Variants in PLGRKT observed in about 807,000 individuals in gnomAD.
The protein encoded by PLGRKT is plasminogen receptor with a C-terminal lysine.
Under a neutral mutation model 18.5 loss-of-function variants are expected in PLGRKT, and 22 were observed. That is an observed-to-expected ratio of 1.19 (90% CI 0.85 to 1.70). The LOEUF (loss-of-function observed/expected upper bound fraction) is 1.70. Ranked by LOEUF, PLGRKT falls within the 40% of genes most tolerant of loss-of-function variation. The pLI is 0.00. For missense variants in PLGRKT, 235 were observed against 174.4 expected (o/e 1.35, Z -1.96); for synonymous variants, 72 against 52.8 (o/e 1.36, Z -1.58).
At chr9:5,421,974 G>A (rs998706376) in intron 3 of PLGRKT, among the ~76,000 whole-genome samples, 3 of 152,012 alleles carry the variant, frequency 2.0e-5, no homozygotes, top group Non-Finnish European at 4.4e-5. Flanking sequence ...AGACTTCTAG[G>A]GTATCAATTC....
intron 3 of PLGRKT, among the ~76,000 whole-genome samples, chr9:5,405,457 A>T (rs900643026): frequency 6.6e-6 from 1 of 152,190 alleles, no homozygotes; most frequent in South Asian, 2.1e-4. Context: ...AATGAAACTC[A>T]TATCTACAAC....
At chr9:5,393,582 A>G (rs1586722334) in intron 3 of PLGRKT, among the ~76,000 whole-genome samples, 1 of 151,892 alleles carries the variant, frequency 6.6e-6, no homozygotes, top group African/African-American at 2.4e-5. Context: ...GAATCACAGA[A>G]CAAGAGAATT....
At position 5,434,465 on chromosome 9, in the gene PLGRKT, G is replaced by A. The variant is rs1818916703; in HGVS notation, c.-7+2104C>T. 5.3e-5 allele frequency among the ~76,000 whole-genome samples: 8 copies of A among 149,610 alleles called. No homozygotes were observed. The South Asian group carries it at 1.7e-3, about 31-fold the overall frequency. Reference sequence around the variant, plus strand: ...CCGGCCGCCGCCCCGTCTGGGAGGTGAGGGGTGTCTCTGCCCGGCTGCCCC... The same window carrying A: ...CCGGCCGCCGCCCCGTCTGGGAGGTAAGGGGTGTCTCTGCCCGGCTGCCCC... On this transcript the variant is annotated intron_variant, in intron 2 of 5. Transcript: ENST00000223864.
At chr9:5,431,812 T>A in intron 3 of PLGRKT, 85 bp downstream of exon 3, 2 of 680,530 alleles carry the variant, frequency 2.9e-6, no homozygotes, top group Non-Finnish European at 2.7e-6. Context: ...TTGTTGGGAG[T>A]CAAAGAGAAT....
intron 3 of PLGRKT, among the ~76,000 whole-genome samples, chr9:5,376,821 T>C (rs1466177866): frequency 5.3e-5 from 8 of 152,232 alleles, no homozygotes; most frequent in Admixed American, 2.6e-4. Context: ...TAACTATGTA[T>C]AGACTATCTT....
At chr9:5,361,615 C>A (rs571290637) in intron 4 of PLGRKT, 143 bp downstream of exon 4, 1 of 706,468 alleles carries the variant, frequency 1.4e-6, no homozygotes, top group African/African-American at 1.8e-5. Context: ...AGAGTTACCC[C>A]CAAGGACTAA....
At chr9:5,429,953 C>T (rs1187994114) in intron 3 of PLGRKT, among the ~76,000 whole-genome samples, 1 of 152,086 alleles carries the variant, frequency 6.6e-6, no homozygotes, top group Non-Finnish European at 1.5e-5. Flanking sequence ...GTAGCTCCCA[C>T]CCTCTCCCCC....
chr9:5,390,728 G>A (rs573558536), intron 3 of PLGRKT, among the ~76,000 whole-genome samples: 1 of 151,946 alleles, frequency 6.6e-6, no homozygotes, highest in East Asian at 1.9e-4. Flanking sequence ...CAAGGCTGTT[G>A]TGTGACTTAG....
intron 3 of PLGRKT, among the ~76,000 whole-genome samples, chr9:5,426,371 A>C (rs1818702006): frequency 1.3e-5 from 2 of 152,100 alleles, no homozygotes; most frequent in African/African-American, 4.8e-5. Flanking sequence ...ACAGCTCAAA[A>C]CCCTAGAATG....
At chr9:5,363,174 G>A (rs1206736147) in intron 3 of PLGRKT, among the ~76,000 whole-genome samples, 2 of 151,902 alleles carry the variant, frequency 1.3e-5, no homozygotes, top group African/African-American at 2.4e-5. Flanking sequence ...GGGTGGGGAA[G>A]GCCACTCACT....
intron 3 of PLGRKT, among the ~76,000 whole-genome samples, chr9:5,415,542 A>C (rs1251459456): frequency 6.6e-6 from 1 of 152,192 alleles, no homozygotes; most frequent in African/African-American, 2.4e-5. Context: ...ATATTTATCA[A>C]TTAGAAAGAA....
chr9:5,381,734 G>A (rs1390698382), intron 3 of PLGRKT: 1 of 216,526 alleles, frequency 4.6e-6, no homozygotes, highest in African/African-American at 2.4e-5. Flanking sequence ...AGGGTGAGCA[G>A]GTTCTTCACT....
At chr9:5,432,156 G>A (rs951821827) in intron 2 of PLGRKT, among the ~76,000 whole-genome samples, 173 bp from the exon 3 acceptor site, 1 of 152,020 alleles carries the variant, frequency 6.6e-6, no homozygotes, top group Admixed American at 6.6e-5. Flanking sequence ...CCTGACCTCA[G>A]GCATACTTAA....
In PLGRKT at chr9:5,418,714, G is replaced by A. The variant is rs1449208654; in HGVS notation, c.81+13183C>T. The A allele has an allele frequency of 9.0e-6, 6 of 666,598 alleles. No individual in the cohort carries two copies. Among genetic ancestry groups the A allele is most frequent in the South Asian group, 4.9e-5 (3 of 60,644 alleles). 41.3% of individuals were successfully genotyped at this position (666,598 alleles called of 1,614,324 possible). ...ACTGCCGGGAAGTCTGATGAAGACC[G>A]GCATGTGCTCCGAAGCGTGTGGAAT... On this transcript the variant is annotated intron_variant, in intron 3 of 5. Transcript: ENST00000223864. This position sits in a 1 kb window ranked among gnomAD's most constrained non-coding sequence, Gnocchi z 4.2.
intron 5 of PLGRKT, among the ~76,000 whole-genome samples, chr9:5,360,437 G>A (rs1273222336): frequency 2.0e-5 from 3 of 152,182 alleles, no homozygotes; most frequent in South Asian, 2.1e-4. Context: ...ATAAATGAAT[G>A]AGCATGGATG....
chr9:5,437,909 A>G lies in PLGRKT; in HGVS notation c.-253T>C, dbSNP rs2131189843. ...AGCGTCGGGATTGGCGCCCAGACAC[A>G]GTAGATGACGCACCTCAGCCAATTC... is the stretch of plus-strand genomic sequence containing the variant. On this transcript the variant is annotated 5_prime_UTR_variant, in exon 1 of 6. Transcript: ENST00000223864. 1 of 152,362 alleles carries G rather than the reference A, an allele frequency of 6.6e-6. No individual in the cohort carries two copies. The highest frequency in any genetic ancestry group is 1.9e-4 in the East Asian group (1 of 5,182). 9.4% of individuals were successfully genotyped at this position (152,362 alleles called of 1,614,324 possible).
intron 3 of PLGRKT, among the ~76,000 whole-genome samples, chr9:5,388,748 C>A (rs1375228195): frequency 6.6e-6 from 1 of 152,038 alleles, no homozygotes; most frequent in African/African-American, 2.4e-5. Flanking sequence ...TTTAGAGAAA[C>A]AGGACTTCCA....
chr9:5,426,373 C>T (rs1030547759), intron 3 of PLGRKT, among the ~76,000 whole-genome samples: 3 of 152,054 alleles, frequency 2.0e-5, no homozygotes, highest in African/African-American at 7.3e-5. Context: ...AGCTCAAAAC[C>T]CTAGAATGAT....
intron 3 of PLGRKT, among the ~76,000 whole-genome samples, chr9:5,380,871 G>C (rs546126746): frequency 4.6e-5 from 7 of 152,302 alleles, no homozygotes; most frequent in African/African-American, 1.4e-4. Context: ...CCTATGTATA[G>C]AGGGAGGGAG....
Sources: allele counts gnomAD v4.1 joint callset (sites outside exome capture counted in the v4.1 genomes callset), GRCh38; gene constraint gnomAD v4.1.1; non-coding constraint Gnocchi (gnomAD v3.1); transcripts MANE v1.5; gene names NCBI Gene and HGNC (gene_info 2026-07-23, HGNC 2026-07-21).